ZXDC: variants seen among roughly 807,000 people sequenced by gnomAD.
The protein encoded by ZXDC is zinc finger protein ZXDC.
ZXDC carries 58 observed loss-of-function variants against 63.6 expected under a neutral mutation model. The observed-to-expected ratio is 0.91, with a 90% CI of 0.74 to 1.13. The LOEUF (loss-of-function observed/expected upper bound fraction) is 1.13. ZXDC is among the 50% of genes most tolerant of loss of function. The pLI is 0.00. For synonymous variants in ZXDC, 561 were observed against 496.1 expected (o/e 1.13, Z -1.74); for missense variants, 1,133 against 1,148.9 (o/e 0.99, Z 0.20).
intron 8 of ZXDC, chr3:126,440,506 C>T (rs1036691156): frequency 1.0e-6 from 1 of 985,588 alleles, no homozygotes; most frequent in East Asian, 1.1e-4. Flanking sequence ...AAGTATACCC[C>T]CTACTTGCTC....
intron 7 of ZXDC, chr3:126,453,051 A>T (rs1934168447): frequency 1.0e-6 from 1 of 985,214 alleles, no homozygotes; most frequent in South Asian, 4.7e-5. Context: ...CAGATTTTTC[A>T]TGGGAAGCTT....
At position 126,462,085 on chromosome 3, in the gene ZXDC, G is replaced by A; in HGVS notation, c.1577C>T (p.Ala526Val). 2.5e-6 allele frequency: 4 copies of A among 1,614,138 alleles called. No individual in the cohort carries two copies. Among genetic ancestry groups the A allele is most frequent in the Non-Finnish European group, 3.4e-6 (4 of 1,180,030 alleles). Residue 526 changes from alanine to valine, a missense_variant, in exon 6 of 10, where the codon GCA (alanine) becomes GTA (valine). Coordinates refer to ENST00000389709, the MANE Select transcript of ZXDC (RefSeq NM_025112.5). The part of the protein sequence containing the change: ...SDTPANASGS[A>V]GGSDEALNSG... Reference sequence around the variant, plus strand: ...GTTCAGAGCCTCATCCGACCCACCTGCAGAACCACTAGCATTGGCAGGTGT... The same window carrying A: ...GTTCAGAGCCTCATCCGACCCACCTACAGAACCACTAGCATTGGCAGGTGT...
chr3:126,451,352 TAC>T, intron 7 of ZXDC: 1 of 985,412 alleles, frequency 1.0e-6, no homozygotes, highest in Non-Finnish European at 1.2e-6. Flanking sequence ...GCACAGAGTG[TAC>T]AGTTCTTCTG....
At chr3:126,462,626 G>A (rs1394590140) in intron 5 of ZXDC, among the ~76,000 whole-genome samples, 3 of 152,154 alleles carry the variant, frequency 2.0e-5, no homozygotes, top group African/African-American at 4.8e-5. Context: ...AGGTGCCACC[G>A]GAGCTGCCCG....
chr3:126,445,010 T>C (rs767502580), intron 7 of ZXDC, among the ~76,000 whole-genome samples: 1 of 152,200 alleles, frequency 6.6e-6, no homozygotes, highest in Admixed American at 6.5e-5. Flanking sequence ...ACAAGCTAAA[T>C]TGGTTTCAAC....
intron 6 of ZXDC, chr3:126,460,149 C>T: frequency 1.0e-6 from 1 of 985,338 alleles, no homozygotes. Flanking sequence ...CAGGTCCCAC[C>T]TTAGAGACCC....
chr3:126,470,836 C>A, intron 4 of ZXDC, 59 bp downstream of exon 4: 1 of 1,592,558 alleles, frequency 6.3e-7, no homozygotes, highest in Non-Finnish European at 8.6e-7. Flanking sequence ...GGAAACTTAA[C>A]AGGATAAATG....
chr3:126,454,565 G>A lies in ZXDC; in HGVS notation c.2212+5088C>T, dbSNP rs116013370. 1,377 of 985,344 alleles carry A rather than the reference G, an allele frequency of 1.4e-3. 18 individuals carry two copies. In the African/African-American group the frequency reaches 0.022, roughly 16 times the overall value. 61.0% of individuals were successfully genotyped at this position (985,344 alleles called of 1,614,324 possible). A position where few individuals can be genotyped will look rare whatever the true frequency, so the allele number is the denominator to read the frequency against. On this transcript the variant is annotated intron_variant, in intron 7 of 9. Transcript: ENST00000389709. ...GCACCTCTCCTAGACAACACACAGC[G>A]GAGAGTGTGCTTCCCATGTATTCAA... is the stretch of plus-strand genomic sequence containing the variant.
At chr3:126,449,720 A>ATCACCTGAC (rs1934020889) in intron 7 of ZXDC, among the ~76,000 whole-genome samples, 1 of 152,216 alleles carries the variant, frequency 6.6e-6, no homozygotes, top group Non-Finnish European at 1.5e-5. Flanking sequence ...TGGGCTGCCA[A>ATCACCTGAC]GGCCGACCTT....
chr3:126,473,354 A>C (rs1935047673), intron 1 of ZXDC, among the ~76,000 whole-genome samples: 1 of 152,112 alleles, frequency 6.6e-6, no homozygotes, highest in Non-Finnish European at 1.5e-5. Flanking sequence ...TCAGGCCTTC[A>C]GAAAACTCAG....
intron 7 of ZXDC, chr3:126,451,161 G>A: frequency 1.4e-5 from 14 of 985,356 alleles, no homozygotes; most frequent in African/African-American, 1.7e-5. Context: ...ATTACACAAA[G>A]TATTTTCCAA....
chr3:126,462,122 G>C lies in ZXDC; in HGVS notation c.1540C>G (p.Leu514Val). The change falls in exon 6 of 10, where the codon CTC (leucine) becomes GTC (valine). Residue 514 changes from leucine (L) to valine (V), a missense_variant. Leu to Val is a conservative substitution (Grantham distance 32). Transcript: ENST00000389709. ...SELTNMDLAA[L>V]FSDTPANASG... The stretch of plus-strand genomic sequence containing the variant: ...GCATTGGCAGGTGTGTCAGAGAAGA[G>C]TGCAGCAAGATCCATGTTAGTGAGC... The C allele has an allele frequency of 6.2e-7, 1 of 1,613,904 alleles. No homozygotes were observed.
At chr3:126,445,750 G>A (rs115183935) in intron 7 of ZXDC, among the ~76,000 whole-genome samples, 203 of 152,274 alleles carry the variant, frequency 1.3e-3, no homozygotes, top group African/African-American at 4.6e-3. Flanking sequence ...GAACAGGGCA[G>A]CCAGGGGAGG....
intron 6 of ZXDC, 158 bp from the exon 7 acceptor site, chr3:126,459,895 C>G: frequency 1.0e-6 from 1 of 985,486 alleles, no homozygotes; most frequent in Non-Finnish European, 1.2e-6. Flanking sequence ...GCTACATCCA[C>G]TTGTGGCGAG....
intron 6 of ZXDC, chr3:126,460,277 C>T (rs1015138785): frequency 5.3e-5 from 28 of 525,664 alleles, no homozygotes; most frequent in Non-Finnish European, 6.6e-5. Flanking sequence ...ACTCAGAGGA[C>T]ATCAGCTGTT....
intron 5 of ZXDC, among the ~76,000 whole-genome samples, chr3:126,463,074 TATTA>T (rs746586968): frequency 1.3e-5 from 2 of 150,992 alleles, no homozygotes; most frequent in Admixed American, 6.6e-5. Flanking sequence ...TTATTATTAT[TATTA>T]TTTTTTTTGA....
intron 3 of ZXDC, among the ~76,000 whole-genome samples, chr3:126,471,433 CA>C (rs1934976491): frequency 6.6e-6 from 1 of 152,190 alleles, no homozygotes; most frequent in Non-Finnish European, 1.5e-5. Context: ...TCTCTTAAGC[CA>C]ACTTGTAAAG....
At chr3:126,464,874 A>T (rs553792443) in intron 5 of ZXDC, among the ~76,000 whole-genome samples, 1 of 152,328 alleles carries the variant, frequency 6.6e-6, no homozygotes, top group South Asian at 2.1e-4. Context: ...AATTTATTTA[A>T]ATATAAAGCT....
chr3:126,467,482 T>G (rs1387236900), intron 4 of ZXDC, among the ~76,000 whole-genome samples: 1 of 152,166 alleles, frequency 6.6e-6, no homozygotes, highest in East Asian at 1.9e-4. Flanking sequence ...GGCACCTTCT[T>G]AAGACGGTGG....
Sources: allele counts gnomAD v4.1 joint callset (sites outside exome capture counted in the v4.1 genomes callset), GRCh38; gene constraint gnomAD v4.1.1; transcripts MANE v1.5; gene names NCBI Gene and HGNC (gene_info 2026-07-23, HGNC 2026-07-21).